AK5: variants seen among roughly 807,000 people sequenced by gnomAD.
AK5 encodes the protein adenylate kinase 5, also known as adenylate kinase isoenzyme 5.
Under a neutral mutation model 69.5 loss-of-function variants are expected in AK5, and 27 were observed. The ratio of observed to expected loss-of-function variants is 0.39; its 90% confidence interval spans 0.29 to 0.54. The LOEUF is 0.54. Ranked by LOEUF, AK5 falls within the 20% of genes least tolerant of loss-of-function variation. AK5 has a pLI of 0.71. For missense variants in AK5, 531 were observed against 700.4 expected (o/e 0.76, Z 2.73); for synonymous variants, 260 against 244.4 (o/e 1.06, Z -0.60).
At chr1:77,298,758 C>T (rs1293213063) in intron 5 of AK5, among the ~76,000 whole-genome samples, 2 of 152,040 alleles carry the variant, frequency 1.3e-5, no homozygotes, top group Non-Finnish European at 2.9e-5. Flanking sequence ...ATCACCTGAG[C>T]CCAGGACATC....
At chr1:77,343,846 CCA>C (rs1661782068) in intron 6 of AK5, among the ~76,000 whole-genome samples, 1 of 152,176 alleles carries the variant, frequency 6.6e-6, no homozygotes, top group Admixed American at 6.5e-5. Flanking sequence ...TCTACAGTAA[CCA>C]CTAGCAATTC....
chr1:77,357,992 A>AGT (rs10643921), intron 6 of AK5, among the ~76,000 whole-genome samples: 2,508 of 121,136 alleles, frequency 0.021, 87 homozygotes, highest in African/African-American at 0.069. Context: ...TATGGAGAGT[A>AGT]GTGTGTGTGT....
At chr1:77,446,564 T>G (rs1652769209) in intron 8 of AK5, among the ~76,000 whole-genome samples, 1 of 152,216 alleles carries the variant, frequency 6.6e-6, no homozygotes, top group African/African-American at 2.4e-5. Context: ...CATGAGCACT[T>G]ATTTGTATCC....
At chr1:77,392,355 A>G (rs1281207365) in intron 6 of AK5, among the ~76,000 whole-genome samples, 1 of 152,170 alleles carries the variant, frequency 6.6e-6, no homozygotes, top group African/African-American at 2.4e-5. Context: ...CTTCAGGGTA[A>G]TTACTGATTT....
intron 10 of AK5, among the ~76,000 whole-genome samples, chr1:77,511,084 T>G (rs1054631809): frequency 1.3e-5 from 2 of 151,682 alleles, no homozygotes; most frequent in Non-Finnish European, 2.9e-5. Flanking sequence ...CAATAGCTGG[T>G]AAAATAGTAC....
chr1:77,516,243 T>G (rs867703055), intron 10 of AK5, among the ~76,000 whole-genome samples: 1 of 152,144 alleles, frequency 6.6e-6, no homozygotes, highest in Non-Finnish European at 1.5e-5. Flanking sequence ...TGATCTCACG[T>G]GTACGTGGAA....
At chr1:77,316,361 C>G (rs1660244402) in intron 5 of AK5, among the ~76,000 whole-genome samples, 1 of 151,644 alleles carries the variant, frequency 6.6e-6, no homozygotes, top group East Asian at 1.9e-4. Context: ...GTGATTTCCT[C>G]TAGGATCTGT....
intron 12 of AK5, among the ~76,000 whole-genome samples, chr1:77,524,870 C>A (rs772716768): frequency 6.6e-6 from 1 of 152,020 alleles, no homozygotes. Flanking sequence ...GTAGTTTTAG[C>A]GCTTATATAT....
intron 2 of AK5, among the ~76,000 whole-genome samples, chr1:77,291,208 T>A (rs1485006091): frequency 1.3e-5 from 2 of 152,244 alleles, no homozygotes; most frequent in African/African-American, 4.8e-5. Context: ...AAATGCAGTA[T>A]GGTCCTTATC....
intron 6 of AK5, among the ~76,000 whole-genome samples, chr1:77,391,479 GTGTATGTGTGTGTGTGTA>G (rs1648453446): frequency 1.2e-4 from 6 of 49,802 alleles, no homozygotes; most frequent in African/African-American, 4.7e-4. Flanking sequence ...ATATGTGTGT[GTGTATGTGTGTGTGTGTA>G]TATATATATA....
intron 8 of AK5, among the ~76,000 whole-genome samples, chr1:77,429,153 T>A (rs905670681): frequency 2.0e-5 from 3 of 152,194 alleles, no homozygotes; most frequent in Non-Finnish European, 2.9e-5. Context: ...TATTTCTAGT[T>A]CTAGATCCCT....
At chr1:77,482,287 A>G (rs751400404) in intron 8 of AK5, among the ~76,000 whole-genome samples, 6 of 152,226 alleles carry the variant, frequency 3.9e-5, no homozygotes, top group African/African-American at 1.2e-4. Context: ...GTTCTCACCT[A>G]GTGCCTTTTT....
chr1:77,409,526 A>T (rs1193782660), intron 6 of AK5, among the ~76,000 whole-genome samples: 1 of 152,060 alleles, frequency 6.6e-6, no homozygotes, highest in Admixed American at 6.6e-5. Context: ...TGATGGCTGC[A>T]TGTATGTCTT....
intron 13 of AK5, chr1:77,540,425 A>G (rs544113097): frequency 1.3e-5 from 2 of 152,372 alleles, no homozygotes; most frequent in Admixed American, 6.5e-5. Flanking sequence ...TTCGCCAGTC[A>G]TGGCACTTCC....
chr1:77,282,800 G>C (rs1425876973), intron 1 of AK5: 16 of 994,180 alleles, frequency 1.6e-5, no homozygotes, highest in Non-Finnish European at 1.9e-5. Flanking sequence ...CTGGTCGAGG[G>C]TCGGAACCCC....
intron 1 of AK5, 95 bp downstream of exon 1, chr1:77,282,468 A>G: frequency 1.7e-5 from 25 of 1,445,358 alleles, no homozygotes; most frequent in Non-Finnish European, 2.3e-5. Context: ...CCTTCCCCAC[A>G]CGGGGCATGT....
intron 8 of AK5, among the ~76,000 whole-genome samples, chr1:77,457,992 C>T (rs1424050811): frequency 6.6e-6 from 1 of 151,568 alleles, no homozygotes; most frequent in African/African-American, 2.4e-5. Flanking sequence ...GTCCCAGCTA[C>T]TCAAGAGGCT....
intron 2 of AK5, among the ~76,000 whole-genome samples, chr1:77,289,698 C>A (rs907272347): frequency 4.0e-5 from 6 of 151,648 alleles, no homozygotes; most frequent in African/African-American, 1.5e-4. Flanking sequence ...GAGAGAAGAA[C>A]TAGAGAGAAC....
At chr1:77,376,447 A>AG (rs1647249556) in intron 6 of AK5, among the ~76,000 whole-genome samples, 1 of 43,370 alleles carries the variant, frequency 2.3e-5, no homozygotes, top group Non-Finnish European at 4.8e-5. Flanking sequence ...AAAAAAAAAA[A>AG]AAACAAAAAA....
Sources: allele counts gnomAD v4.1 joint callset (sites outside exome capture counted in the v4.1 genomes callset), GRCh38; gene constraint gnomAD v4.1.1; transcripts MANE v1.5; gene names NCBI Gene and HGNC (gene_info 2026-07-23, HGNC 2026-07-21).